The following NUP50 variants were observed in gnomAD, a reference collection of about 807,000 sequenced individuals.
NUP50 encodes nucleoporin 50.
In NUP50, 14 loss-of-function variants were observed where a neutral mutation model predicts 36.8. That is an observed-to-expected ratio of 0.38 (90% confidence interval 0.25 to 0.59). The LOEUF is 0.59. Among genes scored for constraint, NUP50 ranks in the 20% least tolerant of loss-of-function variants. The pLI is 0.63. For synonymous variants in NUP50, 195 were observed against 210.8 expected, an observed-to-expected ratio of 0.93 and a Z score of 0.65; for missense variants, 455 against 564.6, an observed-to-expected ratio of 0.81 and a Z score of 1.97.
intron 4 of NUP50, among the ~76,000 whole-genome samples, chr22:45,176,902 C>T (rs1244073242): frequency 6.6e-6 from 1 of 151,978 alleles, no homozygotes; most frequent in East Asian, 1.9e-4. Flanking sequence ...CCACCATGCC[C>T]AGCTAATTTT....
chr22:45,180,029 A>G (rs182742535), intron 5 of NUP50, among the ~76,000 whole-genome samples: 16 of 152,354 alleles, frequency 1.1e-4, no homozygotes, highest in Admixed American at 3.3e-4. Context: ...GCTTTCAAGT[A>G]TATCCTCAGG....
chr22:45,166,242 T>C (rs889164164), intron 1 of NUP50: 2 of 151,852 alleles, frequency 1.3e-5, no homozygotes, highest in Non-Finnish European at 2.9e-5. Context: ...TGTATTCAGC[T>C]CCATCCCTTT....
Position 45,183,536 on chromosome 22 carries a change from C to T in NUP50, c.1204+16C>T. On this transcript the variant is annotated intron_variant, in intron 7 of 7. Coordinates refer to ENST00000347635, the MANE Select transcript of NUP50 (RefSeq NM_007172.4). ...ACCAATTTAGGTGGGTACCTTTTTT[C>T]AGTTAGCACAAAATCATCATCACAT... is the stretch of plus-strand genomic sequence containing the variant. The T allele has an allele frequency of 6.9e-7, 1 of 1,452,054 alleles. No homozygotes were observed. Among genetic ancestry groups the T allele is most frequent in the Non-Finnish European group, 9.7e-7 (1 of 1,032,352 alleles). The allele number at this position is 1,452,054 out of a possible 1,614,324, so 89.9% of individuals were successfully genotyped here.
chr22:45,184,932 A>G lies in NUP50; in HGVS notation c.*277A>G. 2.3e-6 allele frequency: 1 copy of G among 434,058 alleles called. No homozygotes were observed. Among genetic ancestry groups the G allele is most frequent in the South Asian group, 2.3e-5 (1 of 43,872 alleles). The allele number at this position is 434,058 out of a possible 1,614,324, so 26.9% of individuals were successfully genotyped here. ...TCGTTTATTAAACTAACCCTAAGTG[A>G]TTTCTTCAAGGACTGCAATCAGGGT... On this transcript the variant is annotated 3_prime_UTR_variant, in exon 8 of 8. Transcript: ENST00000347635.
chr22:45,167,533 A>G (rs963880590), intron 1 of NUP50, among the ~76,000 whole-genome samples: 33 of 152,276 alleles, frequency 2.2e-4, no homozygotes, highest in African/African-American at 6.0e-4. Context: ...GAAAGGTTAT[A>G]AGTTCCCAGA....
Position 45,178,587 on chromosome 22 carries a change from AC to A in NUP50, c.691del (p.Gln231SerfsTer34). ...SPSLFGSTKL[Q>X]QESTFLFHGN... is the part of the protein sequence containing the mutation. ...CTTCCCTTTTTGGCTCAACAAAATT[AC>A]AGCAAGAGTCAACGTTTTTGTTTCA... On this transcript the variant is annotated frameshift_variant, in exon 5 of 8. Transcript: ENST00000347635. LOFTEE classifies it high-confidence loss of function. 2 of 1,612,050 alleles carry A rather than the reference AC, an allele frequency of 1.2e-6. No individual in the cohort carries two copies. Among genetic ancestry groups the A allele is most frequent in the Non-Finnish European group, 1.7e-6 (2 of 1,179,866 alleles).
chr22:45,168,612 T>C (rs1208617323), intron 2 of NUP50, among the ~76,000 whole-genome samples: 1 of 152,212 alleles, frequency 6.6e-6, no homozygotes, highest in Non-Finnish European at 1.5e-5. Flanking sequence ...TTAAGTGATG[T>C]AGTCATGAAC....
chr22:45,170,865 C>T lies in NUP50; in HGVS notation c.70-735C>T, dbSNP rs943577279. ...ATTACATTTAGTTAAGTACATTTAA[C>T]TTGGGGCAAGTGCAGCCAGATGGTC... On this transcript the variant is annotated intron_variant, in intron 2 of 7. Transcript: ENST00000347635. 2.7e-5 allele frequency: 14 copies of T among 522,420 alleles called. No homozygotes were observed. In the African/African-American group the frequency reaches 2.9e-4, roughly 11 times the overall value. 32.4% of individuals were successfully genotyped at this position (522,420 alleles called of 1,614,324 possible). A position where few individuals can be genotyped will look rare whatever the true frequency, so the allele number is the denominator to read the frequency against.
In NUP50 at chr22:45,171,172, TCA is replaced by T. The variant is rs1046550056; in HGVS notation, c.70-427_70-426del. The T allele has an allele frequency of 2.5e-6, 3 of 1,178,122 alleles. No homozygotes were observed. The African/African-American group carries it at 4.9e-5, about 19-fold the overall frequency. The allele number at this position is 1,178,122 out of a possible 1,614,324, so 73.0% of individuals were successfully genotyped here. Reference sequence around the variant, plus strand: ...AGTTGGGCAGGACTCATCTTAAAAATCATGTGTATGTTATAAATAACAAAATT... The same window carrying T: ...AGTTGGGCAGGACTCATCTTAAAAATTGTGTATGTTATAAATAACAAAATT... On this transcript the variant is annotated intron_variant, in intron 2 of 7. Coordinates refer to ENST00000347635, the MANE Select transcript of NUP50 (RefSeq NM_007172.4).
intron 5 of NUP50, chr22:45,180,177 G>A (rs1490847457): frequency 6.6e-6 from 1 of 152,244 alleles, no homozygotes; most frequent in East Asian, 1.9e-4. Flanking sequence ...GAGGCAGGAT[G>A]CCCCTCAGTG....
intron 1 of NUP50, 40 bp from the exon 2 acceptor site, chr22:45,168,128 T>G (rs755396926): frequency 1.4e-6 from 2 of 1,417,764 alleles, no homozygotes; most frequent in African/African-American, 1.4e-5. Flanking sequence ...AAGAATTTAT[T>G]CTTCTAGAAA....
chr22:45,178,193 A>G lies in NUP50; in HGVS notation c.341-45A>G, dbSNP rs760134868. On this transcript the variant is annotated intron_variant, in intron 4 of 7. Coordinates refer to ENST00000347635, the MANE Select transcript of NUP50 (RefSeq NM_007172.4). The stretch of plus-strand genomic sequence containing the variant: ...GTGGCAAAAAAATCTAGATGATTTA[A>G]TCAAATTAGGCTAAATAAATGGTTC... 2.6e-6 allele frequency: 4 copies of G among 1,544,796 alleles called. No individual in the cohort carries two copies. In the African/African-American group the frequency reaches 4.1e-5, roughly 16 times the overall value.
At position 45,184,859 on chromosome 22, in the gene NUP50, A is replaced by G. The variant is rs1475057115; in HGVS notation, c.*204A>G. ...CACTCTCCCTTCTTAAGAACTGCCT[A>G]AAGTGTAAAATACATTTGAATGCAA... On this transcript the variant is annotated 3_prime_UTR_variant, in exon 8 of 8. Transcript: ENST00000347635. 1.0e-5 allele frequency: 6 copies of G among 601,222 alleles called. No homozygotes were observed. The highest frequency in any genetic ancestry group is 2.1e-5 in the South Asian group (1 of 48,294). The allele number at this position is 601,222 out of a possible 1,614,324, so 37.2% of individuals were successfully genotyped here. A position where few individuals can be genotyped will look rare whatever the true frequency, so the allele number is the denominator to read the frequency against.
chr22:45,183,814 A>G (rs1280167430), intron 7 of NUP50: 2 of 309,688 alleles, frequency 6.5e-6, no homozygotes, highest in African/African-American at 2.2e-5. Flanking sequence ...AACCTTTTAA[A>G]GGAATCCTTT....
chr22:45,174,963 ATTTT>A (rs757710052), intron 3 of NUP50, among the ~76,000 whole-genome samples: 1 of 146,774 alleles, frequency 6.8e-6, no homozygotes, highest in Admixed American at 6.8e-5. Flanking sequence ...TTCCAGTTTA[ATTTT>A]TTTTTTTTTC....
intron 1 of NUP50, among the ~76,000 whole-genome samples, chr22:45,166,949 C>A (rs2074104132): frequency 6.6e-6 from 1 of 152,094 alleles, no homozygotes. Context: ...GTATTAAAAG[C>A]TGACAGCCCG....
chr22:45,183,683 G>A, intron 7 of NUP50, 163 bp downstream of exon 7: 1 of 581,390 alleles, frequency 1.7e-6, no homozygotes, highest in African/African-American at 1.9e-5. Context: ...GGATAATAGT[G>A]TGTAAGGAAA....
intron 2 of NUP50, among the ~76,000 whole-genome samples, chr22:45,170,459 T>C (rs1225413047): frequency 6.6e-6 from 1 of 152,192 alleles, no homozygotes; most frequent in Non-Finnish European, 1.5e-5. Context: ...AGCATAGTGC[T>C]AAGTGAAAAA....
rs112938805 is a variant in NUP50 at position 45,181,383 on chromosome 22, A to G, written c.1085+16A>G. 11 of 1,536,588 alleles carry G rather than the reference A, an allele frequency of 7.2e-6. No individual in the cohort carries two copies. Among genetic ancestry groups the G allele is most frequent in the Non-Finnish European group, 1.8e-6 (2 of 1,133,120 alleles). ...ACTCCAAAAAGTAAGAATCCCCACA[A>G]CCTGCTGGCGCATGTGTTTTGCAGG... On this transcript the variant is annotated intron_variant, in intron 6 of 7. Coordinates refer to ENST00000347635, the MANE Select transcript of NUP50 (RefSeq NM_007172.4).
Sources: gnomAD v4.1 joint callset for allele counts (sites outside exome capture counted in the v4.1 genomes callset) on GRCh38, gnomAD v4.1.1 for gene constraint, MANE v1.5 for transcripts, NCBI Gene and HGNC (gene_info 2026-07-23, HGNC 2026-07-21) for gene names.